Variants in SLC5A7 observed in about 807,000 individuals in gnomAD.
SLC5A7 encodes the protein high affinity choline transporter 1.
A neutral mutation model predicts 55.4 loss-of-function variants in SLC5A7; 19 were observed. The ratio of observed to expected loss-of-function variants is 0.34; its 90% confidence interval spans 0.24 to 0.50. The LOEUF is 0.50. SLC5A7 is among the 20% of genes least tolerant of loss of function. The probability of loss-of-function intolerance (pLI) is 0.98; values close to 1 mark genes in which losing one functional copy is unlikely to be tolerated. For synonymous variants in SLC5A7, 265 were observed against 263.7 expected, an observed-to-expected ratio of 1.00 and a Z score of -0.05; for missense variants, 506 against 705.3, an observed-to-expected ratio of 0.72 and a Z score of 3.20.
chr2:107,996,535 C>T (rs185807905), intron 4 of SLC5A7, among the ~76,000 whole-genome samples: 38 of 152,304 alleles, frequency 2.5e-4, no homozygotes, highest in African/African-American at 9.1e-4. Flanking sequence ...GACAACTCAG[C>T]TGGCTGCAAC....
At chr2:108,001,481 G>A (rs1201871969) in intron 5 of SLC5A7, among the ~76,000 whole-genome samples, 1 of 151,512 alleles carries the variant, frequency 6.6e-6, no homozygotes, top group African/African-American at 2.4e-5. Context: ...AGACCATCCC[G>A]GCTATAACGG....
intron 5 of SLC5A7, among the ~76,000 whole-genome samples, chr2:107,998,750 A>G: frequency 6.6e-6 from 1 of 152,338 alleles, no homozygotes; most frequent in South Asian, 2.1e-4. Flanking sequence ...TCCCAGTTGT[A>G]GATTCTTTAG....
At chr2:107,995,387 C>T (rs1449451133) in intron 4 of SLC5A7, among the ~76,000 whole-genome samples, 1 of 151,976 alleles carries the variant, frequency 6.6e-6, no homozygotes, top group Non-Finnish European at 1.5e-5. Flanking sequence ...TTTCTAAACA[C>T]TCACATATAT....
intron 1 of SLC5A7, among the ~76,000 whole-genome samples, chr2:107,987,511 G>A (rs333236): frequency 0.81 from 122,738 of 152,190 alleles, 50,296 homozygotes; most frequent in African/African-American, 0.89. Context: ...AACTACAGAA[G>A]CTTGTTGAAA....
chr2:107,987,491 T>TA (rs1277573156), intron 1 of SLC5A7, among the ~76,000 whole-genome samples: 2 of 152,244 alleles, frequency 1.3e-5, no homozygotes, highest in East Asian at 3.9e-4. Context: ...TTAGTTGCTA[T>TA]AGTAACTTGA....
At chr2:108,002,910 G>A (rs1677972228) in intron 6 of SLC5A7, among the ~76,000 whole-genome samples, 1 of 152,028 alleles carries the variant, frequency 6.6e-6, no homozygotes, top group South Asian at 2.1e-4. Context: ...AAGCTTAAAG[G>A]GAAATTGGTT....
chr2:107,990,343 A>G (rs1677406669), intron 2 of SLC5A7, among the ~76,000 whole-genome samples: 1 of 152,220 alleles, frequency 6.6e-6, no homozygotes, highest in Non-Finnish European at 1.5e-5. Context: ...GACTTACACA[A>G]TGACGAATGA....
intron 1 of SLC5A7, 76 bp from the exon 2 acceptor site, chr2:107,988,029 C>T: frequency 1.1e-6 from 1 of 900,628 alleles, no homozygotes; most frequent in Non-Finnish European, 1.7e-6. Flanking sequence ...TCGCATGAGC[C>T]AGCTGGTTTA....
At chr2:108,009,183 G>A (rs1318588520) in intron 8 of SLC5A7, among the ~76,000 whole-genome samples, 3 of 151,974 alleles carry the variant, frequency 2.0e-5, no homozygotes, top group Non-Finnish European at 1.5e-5. Context: ...CTGCAAAACA[G>A]CATGCTTCTT....
intron 6 of SLC5A7, among the ~76,000 whole-genome samples, chr2:108,003,779 A>G (rs565087718): frequency 1.3e-5 from 2 of 152,160 alleles, no homozygotes; most frequent in African/African-American, 4.8e-5. Flanking sequence ...CCATATTACT[A>G]CCTACTTTAG....
Position 108,013,337 on chromosome 2 carries a change from GTTATTAA to G in SLC5A7, c.*2478_*2484del, listed in dbSNP as rs1267044958. The stretch of plus-strand genomic sequence containing the variant: ...AAGTAGGTATACAAAAGACTAGTTT[GTTATTAA>G]TCCACAAATATGCTAAATGTTAGCA... On this transcript the variant is annotated 3_prime_UTR_variant, in exon 9 of 9. Transcript: ENST00000264047. 3.9e-5 allele frequency: 6 copies of G among 152,188 alleles called. No individual in the cohort carries two copies. In the East Asian group the frequency reaches 1.2e-3, roughly 29 times the overall value. The allele number at this position is 152,188 out of a possible 1,614,324, so 9.4% of individuals were successfully genotyped here.
Position 108,011,469 on chromosome 2 carries a change from A to G in SLC5A7, c.*608A>G, listed in dbSNP as rs1558873891. On this transcript the variant is annotated 3_prime_UTR_variant, in exon 9 of 9. Transcript: ENST00000264047. ...AAAGAAAACACACAAAAGATTATGT[A>G]TTGGCATTTATTTATGTGCAAGGTG... The G allele has an allele frequency of 6.6e-6, 1 of 152,146 alleles. No individual in the cohort carries two copies. Among genetic ancestry groups the G allele is most frequent in the Non-Finnish European group, 1.5e-5 (1 of 68,010 alleles). The allele number at this position is 152,146 out of a possible 1,614,324, so 9.4% of individuals were successfully genotyped here.
At chr2:108,006,956 T>G (rs1678147138) in intron 7 of SLC5A7, among the ~76,000 whole-genome samples, 1 of 152,262 alleles carries the variant, frequency 6.6e-6, no homozygotes, top group Non-Finnish European at 1.5e-5. Context: ...ACAAACAAAG[T>G]CACTTAGAGA....
intron 4 of SLC5A7, among the ~76,000 whole-genome samples, chr2:107,994,020 C>T (rs2104345044): frequency 6.6e-6 from 1 of 152,256 alleles, no homozygotes; most frequent in South Asian, 2.1e-4. Context: ...AGAAAGCTTG[C>T]CCATGCCTTA....
chr2:107,989,799 A>T (rs1472581341), intron 2 of SLC5A7, among the ~76,000 whole-genome samples: 3 of 152,260 alleles, frequency 2.0e-5, no homozygotes, highest in Non-Finnish European at 4.4e-5. Context: ...GAAAATAATT[A>T]TAGCCCTCTA....
At chr2:107,987,997 T>A (rs971402546) in intron 1 of SLC5A7, 108 bp from the exon 2 acceptor site, 2 of 601,680 alleles carry the variant, frequency 3.3e-6, no homozygotes, top group Non-Finnish European at 5.6e-6. Context: ...GGTTGTACTC[T>A]TTCTGTGAGT....
At chr2:107,987,118 C>G (rs1677275599) in intron 1 of SLC5A7, among the ~76,000 whole-genome samples, 1 of 152,064 alleles carries the variant, frequency 6.6e-6, no homozygotes, top group Non-Finnish European at 1.5e-5. Context: ...TTTCCCCCAA[C>G]GTCTCTTCAC....
chr2:107,992,337 C>T, intron 3 of SLC5A7, 118 bp downstream of exon 3: 1 of 550,072 alleles, frequency 1.8e-6, no homozygotes, highest in South Asian at 2.9e-5. Context: ...AAAATGTCCC[C>T]AGAGATCTTT....
intron 5 of SLC5A7, among the ~76,000 whole-genome samples, chr2:108,000,539 C>T (rs1677844794): frequency 1.3e-5 from 2 of 152,152 alleles, no homozygotes; most frequent in Non-Finnish European, 2.9e-5. Context: ...CTCAAGCAAT[C>T]CTCTAACAGT....
Sources: allele counts gnomAD v4.1 joint callset (sites outside exome capture counted in the v4.1 genomes callset), GRCh38; gene constraint gnomAD v4.1.1; transcripts MANE v1.5; gene names NCBI Gene and HGNC (gene_info 2026-07-23, HGNC 2026-07-21).